SRPK2: variants seen among roughly 807,000 people sequenced by gnomAD.
SRPK2 encodes the protein SRSF protein kinase 2, also known as SFRS protein kinase 2.
Under a neutral mutation model 90.8 loss-of-function variants are expected in SRPK2, and 21 were observed. The ratio of observed to expected loss-of-function variants is 0.23; its 90% CI spans 0.16 to 0.33. SRPK2 has a LOEUF of 0.33. Among genes scored for constraint, SRPK2 ranks in the 10% least tolerant of loss-of-function variants. The pLI is 1.00. For missense variants in SRPK2, 620 were observed against 869.0 expected, an observed-to-expected ratio of 0.71 and a Z score of 3.60; for synonymous variants, 288 against 311.1, an observed-to-expected ratio of 0.93 and a Z score of 0.78.
intron 13 of SRPK2, among the ~76,000 whole-genome samples, 162 bp downstream of exon 13, chr7:105,132,629 T>C (rs1378508304): frequency 6.6e-6 from 1 of 152,080 alleles, no homozygotes; most frequent in Non-Finnish European, 1.5e-5. Context: ...TTCCACTTCT[T>C]AAGATGCCTG....
chr7:105,146,737 A>C, intron 7 of SRPK2, 79 bp from the exon 8 acceptor site: 3 of 1,416,374 alleles, frequency 2.1e-6, no homozygotes, highest in Non-Finnish European at 2.9e-6. Context: ...AAAAACATGT[A>C]ATACAATGCC....
intron 2 of SRPK2, among the ~76,000 whole-genome samples, chr7:105,365,519 T>A (rs1818943065): frequency 7.1e-6 from 1 of 141,710 alleles, no homozygotes; most frequent in African/African-American, 2.6e-5. Flanking sequence ...ATTATATATA[T>A]ATATATATTT....
chr7:105,311,132 C>G (rs1811660566), intron 2 of SRPK2, among the ~76,000 whole-genome samples: 1 of 152,152 alleles, frequency 6.6e-6, no homozygotes, highest in Non-Finnish European at 1.5e-5. Flanking sequence ...AAAAAAATAT[C>G]TGCACATCAT....
chr7:105,155,424 T>C (rs769248029), intron 7 of SRPK2, among the ~76,000 whole-genome samples: 2 of 152,208 alleles, frequency 1.3e-5, no homozygotes, highest in African/African-American at 4.8e-5. Context: ...TTAAATCAAG[T>C]CTGTCACCAA....
intron 3 of SRPK2, among the ~76,000 whole-genome samples, chr7:105,198,829 C>T (rs1376331791): frequency 6.6e-6 from 1 of 151,964 alleles, no homozygotes; most frequent in African/African-American, 2.4e-5. Flanking sequence ...AAACCAAAGC[C>T]TAAAGAGAAA....
At chr7:105,155,016 T>C (rs953751134) in intron 7 of SRPK2, among the ~76,000 whole-genome samples, 2 of 150,424 alleles carry the variant, frequency 1.3e-5, no homozygotes, top group Non-Finnish European at 3.0e-5. Context: ...ATTTCGCTAT[T>C]GTCACCCAGG....
chr7:105,176,258 T>C lies in SRPK2; in HGVS notation c.230-6993A>G, dbSNP rs547606724. Among the ~76,000 whole-genome samples, 18 of 152,278 alleles carry C rather than the reference T, an allele frequency of 1.2e-4. No homozygotes were observed. The South Asian group carries it at 3.1e-3, about 26-fold the overall frequency. On this transcript the variant is annotated intron_variant, in intron 3 of 15. Transcript: ENST00000393651. ...TGAGCACATCAGACACAGAAAATCA[T>C]CTGACAATATGAAACATTCATTCTT... is the stretch of plus-strand genomic sequence containing the variant.
chr7:105,381,987 G>A (rs559446880), intron 2 of SRPK2, among the ~76,000 whole-genome samples: 2 of 152,168 alleles, frequency 1.3e-5, no homozygotes, highest in African/African-American at 4.8e-5. Context: ...GACCAAGATG[G>A]TGAAACCCCA....
chr7:105,218,998 T>C, intron 2 of SRPK2, among the ~76,000 whole-genome samples: 1 of 152,040 alleles, frequency 6.6e-6, no homozygotes, highest in Non-Finnish European at 1.5e-5. Flanking sequence ...TAAGCAGCTA[T>C]AAGCAAAAGT....
intron 2 of SRPK2, among the ~76,000 whole-genome samples, chr7:105,378,333 G>T (rs1029106861): frequency 6.6e-6 from 1 of 152,000 alleles, no homozygotes; most frequent in African/African-American, 2.4e-5. Context: ...ATCCGAAAAA[G>T]AAGTCATCTG....
chr7:105,368,023 T>A (rs1322659750), intron 2 of SRPK2, among the ~76,000 whole-genome samples: 1 of 152,172 alleles, frequency 6.6e-6, no homozygotes, highest in Non-Finnish European at 1.5e-5. Flanking sequence ...GTTACAAAGC[T>A]TAGAATCATC....
chr7:105,219,766 T>A lies in SRPK2; in HGVS notation c.72-15981A>T, dbSNP rs970841939. On this transcript the variant is annotated intron_variant, in intron 2 of 15. Transcript: ENST00000393651. ...TCATAATCTGACAGTGATCATAAAC[T>A]TTTAAAATGTTACTCAAATTTGCAG... Among the ~76,000 whole-genome samples the A allele has an allele frequency of 7.2e-5, 11 of 152,256 alleles. No individual in the cohort carries two copies. The South Asian group carries it at 1.7e-3, about 23-fold the overall frequency.
intron 2 of SRPK2, among the ~76,000 whole-genome samples, chr7:105,317,049 C>T (rs897820254): frequency 4.6e-5 from 7 of 152,212 alleles, no homozygotes; most frequent in African/African-American, 1.4e-4. Context: ...GCCAAAGCAA[C>T]TCCCAGTGTT....
chr7:105,308,849 T>C (rs887263373), intron 2 of SRPK2, among the ~76,000 whole-genome samples: 2 of 152,098 alleles, frequency 1.3e-5, no homozygotes, highest in African/African-American at 4.8e-5. Context: ...CTAAACAGGA[T>C]TTCTCTCTCT....
chr7:105,268,791 G>T, intron 2 of SRPK2: 1 of 1,589,050 alleles, frequency 6.3e-7, no homozygotes, highest in South Asian at 1.1e-5. Context: ...GTTCATGCAA[G>T]AGATGTAGCT....
chr7:105,396,370 C>T (rs889496949), intron 1 of SRPK2, among the ~76,000 whole-genome samples: 3 of 151,504 alleles, frequency 2.0e-5, no homozygotes, highest in Non-Finnish European at 4.4e-5. Context: ...GGCGTGGTGG[C>T]TTCATGCCTG....
intron 2 of SRPK2, among the ~76,000 whole-genome samples, chr7:105,340,452 G>C (rs1339459873): frequency 1.4e-5 from 2 of 141,680 alleles, no homozygotes; most frequent in South Asian, 2.2e-4. Flanking sequence ...CCAGGCTGCA[G>C]TGCAGTGGTG....
At chr7:105,120,873 C>A (rs1432303923) in intron 15 of SRPK2, among the ~76,000 whole-genome samples, 1 of 152,196 alleles carries the variant, frequency 6.6e-6, no homozygotes. Context: ...CAAGAGTGGG[C>A]TCACTGAATG....
intron 2 of SRPK2, among the ~76,000 whole-genome samples, chr7:105,217,712 C>T (rs1347381125): frequency 2.6e-5 from 4 of 152,140 alleles, no homozygotes; most frequent in Non-Finnish European, 5.9e-5. Context: ...GAAATACTTA[C>T]AAAGCTCAAA....
Sources: allele counts gnomAD v4.1 joint callset (sites outside exome capture counted in the v4.1 genomes callset), GRCh38; gene constraint gnomAD v4.1.1; transcripts MANE v1.5; gene names NCBI Gene and HGNC (gene_info 2026-07-23, HGNC 2026-07-21).